The following AFF2 variants were observed in gnomAD, a reference collection of about 807,000 sequenced individuals.
The protein encoded by AFF2 is ALF transcription elongation factor 2, also known as AF4/FMR2 family member 2.
Under a neutral mutation model 76.9 loss-of-function variants are expected in AFF2, and 14 were observed. That is an observed-to-expected ratio of 0.18 (90% CI 0.12 to 0.28). The LOEUF (loss-of-function observed/expected upper bound fraction) is 0.28. AFF2 is among the 10% of genes least tolerant of loss of function. The probability of loss-of-function intolerance (pLI) is 1.00; values close to 1 mark genes in which losing one functional copy is unlikely to be tolerated. For missense variants in AFF2, 868 were observed against 1,001.1 expected, an observed-to-expected ratio of 0.87 and a Z score of 1.79; for synonymous variants, 398 against 366.7, an observed-to-expected ratio of 1.09 and a Z score of -0.98.
intron 3 of AFF2, among the ~76,000 whole-genome samples, chrX:148,778,818 T>C (rs189878063): frequency 1.1e-3 from 126 of 111,742 alleles, no homozygotes; most frequent in Admixed American, 5.6e-3. Flanking sequence ...ATTCATTTAT[T>C]TTTTTGAAGG....
At chrX:148,744,404 G>A (rs1557265944) in intron 3 of AFF2, among the ~76,000 whole-genome samples, 1 of 112,017 alleles carries the variant, frequency 8.9e-6, no homozygotes, top group African/African-American at 3.2e-5. Context: ...AACAAGTTAA[G>A]GCATAATGTC....
At chrX:148,860,484 C>T (rs1357901486) in intron 7 of AFF2, among the ~76,000 whole-genome samples, 4 of 111,698 alleles carry the variant, frequency 3.6e-5, no homozygotes, top group African/African-American at 1.3e-4. Context: ...GAAAATGTTA[C>T]GTGGAATCAT....
chrX:148,628,339 A>G (rs1269179480), intron 1 of AFF2, among the ~76,000 whole-genome samples: 2 of 111,557 alleles, frequency 1.8e-5, no homozygotes, highest in African/African-American at 6.5e-5. Flanking sequence ...AGTGGAAATG[A>G]TCAACAATGT....
chrX:148,518,453 C>A (rs782053711), intron 1 of AFF2, among the ~76,000 whole-genome samples: 1 of 112,507 alleles, frequency 8.9e-6, no homozygotes, highest in Non-Finnish European at 1.9e-5. Flanking sequence ...GTCTGTCAGG[C>A]GAGACATTTA....
intron 19 of AFF2, among the ~76,000 whole-genome samples, chrX:148,982,282 C>G (rs1486343855): frequency 8.9e-6 from 1 of 112,210 alleles, no homozygotes; most frequent in Non-Finnish European, 1.9e-5. Flanking sequence ...TTGACTGAGG[C>G]AACTCAAAAC....
chrX:148,635,812 A>C (rs1603264497), intron 1 of AFF2, among the ~76,000 whole-genome samples: 1 of 109,962 alleles, frequency 9.1e-6, no homozygotes, highest in Admixed American at 9.7e-5. Context: ...GAGGGAAATG[A>C]ATAATAGCCT....
intron 3 of AFF2, among the ~76,000 whole-genome samples, chrX:148,803,041 A>G (rs1054006698): frequency 9.0e-6 from 1 of 111,594 alleles, no homozygotes; most frequent in African/African-American, 3.3e-5. Context: ...ATTAAGTGGA[A>G]TCTAGATTTT....
At chrX:148,523,645 CA>C (rs1334913403) in intron 1 of AFF2, among the ~76,000 whole-genome samples, 3 of 112,013 alleles carry the variant, frequency 2.7e-5, no homozygotes, top group Admixed American at 1.9e-4. Context: ...TGATTTCATG[CA>C]AAAAAATTTA....
At chrX:148,806,832 A>G (rs1341423132) in intron 3 of AFF2, among the ~76,000 whole-genome samples, 1 of 111,938 alleles carries the variant, frequency 8.9e-6, no homozygotes, top group African/African-American at 3.3e-5. Context: ...TTGTATTACC[A>G]ACTCTCCATG....
chrX:148,691,481 G>T (rs1488958685), intron 3 of AFF2, among the ~76,000 whole-genome samples: 1 of 111,955 alleles, frequency 8.9e-6, no homozygotes, highest in Middle Eastern at 4.2e-3. Flanking sequence ...AAAGTGCAAT[G>T]AAATACGAGC....
intron 1 of AFF2, among the ~76,000 whole-genome samples, chrX:148,526,033 A>G (rs1194951535): frequency 1.8e-5 from 2 of 111,612 alleles, no homozygotes; most frequent in African/African-American, 6.5e-5. Context: ...TTCTGAGAGC[A>G]ATCATAGTAT....
chrX:148,610,375 C>T lies in AFF2; in HGVS notation c.48-41624C>T, dbSNP rs920896102. ...TTCTACCCGATCATGATGCTCTTTG[C>T]CCTCTTAGTATTCCATATTTAATGA... On this transcript the variant is annotated intron_variant, in intron 1 of 20. Transcript: ENST00000370460. 2.7e-5 allele frequency among the ~76,000 whole-genome samples: 3 copies of T among 111,664 alleles called. No homozygotes were observed. In the East Asian group the frequency reaches 8.5e-4, roughly 32 times the overall value.
At chrX:148,578,823 G>A (rs1228109028) in intron 1 of AFF2, among the ~76,000 whole-genome samples, 1 of 112,053 alleles carries the variant, frequency 8.9e-6, no homozygotes, top group East Asian at 2.8e-4. Flanking sequence ...TTTCTTTAAT[G>A]TGTGGAGGGC....
intron 3 of AFF2, among the ~76,000 whole-genome samples, chrX:148,677,228 C>G (rs2054496046): frequency 9.0e-6 from 1 of 110,644 alleles, no homozygotes. Flanking sequence ...TACCATTACC[C>G]AAGATTCCTT....
chrX:148,938,752 T>C (rs1356325995), intron 9 of AFF2, among the ~76,000 whole-genome samples: 1 of 112,310 alleles, frequency 8.9e-6, no homozygotes, highest in Non-Finnish European at 1.9e-5. Context: ...GTTAGGTTCT[T>C]TCTCCTTGTT....
At position 148,789,331 on chromosome X, in the gene AFF2, G is replaced by A. The variant is rs149863653; in HGVS notation, c.1042-20545G>A. On this transcript the variant is annotated intron_variant, in intron 3 of 20. Transcript: ENST00000370460. The stretch of plus-strand genomic sequence containing the variant: ...TTTTCCCATTAGCTGATTATACCAC[G>A]ATTCCAACAAAATCTATGTCCCCTG... 8.5e-3 allele frequency among the ~76,000 whole-genome samples: 947 copies of A among 111,558 alleles called. 6 individuals carry two copies. The highest frequency in any genetic ancestry group is 0.029 in the African/African-American group (886 of 30,735).
chrX:148,677,810 C>T (rs782158853), intron 3 of AFF2, among the ~76,000 whole-genome samples: 2 of 111,856 alleles, frequency 1.8e-5, no homozygotes, highest in East Asian at 2.8e-4. Context: ...GAAATCGCAT[C>T]CTTTGATTTT....
At chrX:148,862,580 C>T (rs1383187530) in intron 7 of AFF2, among the ~76,000 whole-genome samples, 1 of 111,079 alleles carries the variant, frequency 9.0e-6, no homozygotes, top group African/African-American at 3.3e-5. Flanking sequence ...TCTGAAACAG[C>T]CAAATTATAT....
chrX:148,909,242 G>A (rs1557281773), intron 9 of AFF2, among the ~76,000 whole-genome samples: 3 of 112,092 alleles, frequency 2.7e-5, no homozygotes, highest in African/African-American at 9.7e-5. Context: ...GGGCATTGAT[G>A]CCTCAGAAAC....
Sources: allele counts gnomAD v4.1 joint callset (sites outside exome capture counted in the v4.1 genomes callset), GRCh38; gene constraint gnomAD v4.1.1; transcripts MANE v1.5; gene names NCBI Gene and HGNC (gene_info 2026-07-23, HGNC 2026-07-21).